Variants in SYNPO observed in about 807,000 individuals in gnomAD.
SYNPO encodes synaptopodin.
Under a neutral mutation model 49.5 loss-of-function variants are expected in SYNPO, and 19 were observed. That is an observed-to-expected ratio of 0.38 (90% CI 0.27 to 0.56). The LOEUF is 0.56. Among genes scored for constraint, SYNPO ranks in the 20% least tolerant of loss-of-function variants. SYNPO has a pLI of 0.68. For missense variants in SYNPO, 1,131 were observed against 1,248.3 expected (o/e 0.91, Z 1.42); for synonymous variants, 536 against 548.0 (o/e 0.98, Z 0.31).
intron 2 of SYNPO, among the ~76,000 whole-genome samples, chr5:150,620,899 C>CTTTTTCTTTCTTTCTTTATT (rs1014762340): frequency 9.2e-6 from 1 of 108,866 alleles, no homozygotes; most frequent in African/African-American, 3.4e-5. Context: ...TTCTTTTTTT[C>CTTTTTCTTTCTTTCTTTATT]TCTTTCTTTC....
In SYNPO at chr5:150,650,081, G is replaced by A. The variant is rs756417270; in HGVS notation, c.1806G>A (p.Leu602=). Residue 602 remains leucine, a synonymous_variant, in exon 2 of 3, where the codon CTG becomes CTA. Transcript: ENST00000307662. ...KPSSLDLVPN[L]PKGALPPSPA... is the part of the protein sequence containing the mutation. ...GCTCCTTGGACCTGGTGCCCAACCT[G>A]CCCAAGGGGGCTCTCCCTCCATCTC... The A allele has an allele frequency of 6.2e-7, 1 of 1,613,386 alleles. No individual in the cohort carries two copies. Among genetic ancestry groups the A allele is most frequent in the East Asian group, 2.2e-5 (1 of 44,884 alleles).
intron 2 of SYNPO, among the ~76,000 whole-genome samples, chr5:150,622,065 G>A (rs1193459278): frequency 1.3e-5 from 2 of 152,244 alleles, no homozygotes; most frequent in Non-Finnish European, 2.9e-5. Context: ...GTAAGTTGGT[G>A]GCAAAGCTAG....
At chr5:150,605,897 A>G (rs768766890) in intron 1 of SYNPO, among the ~76,000 whole-genome samples, 4 of 152,142 alleles carry the variant, frequency 2.6e-5, no homozygotes, top group Admixed American at 1.3e-4. Flanking sequence ...ATACATAGAC[A>G]CACACAGATG....
chr5:150,615,547 T>C (rs1756962789), intron 1 of SYNPO, among the ~76,000 whole-genome samples: 1 of 152,174 alleles, frequency 6.6e-6, no homozygotes, highest in African/African-American at 2.4e-5. Context: ...GGACGGATCC[T>C]CCAGCATCAT....
intron 1 of SYNPO, among the ~76,000 whole-genome samples, chr5:150,611,174 A>T (rs1287471473): frequency 6.6e-6 from 1 of 152,196 alleles, no homozygotes; most frequent in African/African-American, 2.4e-5. Context: ...ATCGTATTTA[A>T]CACCATCTGA....
At chr5:150,592,773 T>C in the SYNPO span, among the ~76,000 whole-genome samples, 1 of 152,226 alleles carries the variant, frequency 6.6e-6, no homozygotes, top group Non-Finnish European at 1.5e-5. Flanking sequence ...CTGTGGTTTG[T>C]GAGCTTGAGT....
At position 150,617,099 on chromosome 5, in the gene SYNPO, T is replaced by A. The variant is rs371872115; in HGVS notation, c.-265-1004T>A. Among the ~76,000 whole-genome samples the A allele has an allele frequency of 1.1e-4, 17 of 152,322 alleles. No homozygotes were observed. The East Asian group carries it at 3.3e-3, about 29-fold the overall frequency. On this transcript the variant is annotated intron_variant, in intron 1 of 2. Transcript: ENST00000394243. ...TTAAGGTATGGCTTAGAAACTGTGCTGAGTCCTCTGCGTGCATTTTTTCAT... is the reference window on the plus strand; with the variant it reads ...TTAAGGTATGGCTTAGAAACTGTGCAGAGTCCTCTGCGTGCATTTTTTCAT...
chr5:150,619,763 C>T (rs1335100588), intron 2 of SYNPO, among the ~76,000 whole-genome samples: 2 of 152,208 alleles, frequency 1.3e-5, no homozygotes, highest in Non-Finnish European at 1.5e-5. Context: ...GCGTCGTTGA[C>T]GCCCGGCTGG....
At chr5:150,586,166 TG>T in the SYNPO span, among the ~76,000 whole-genome samples, 1 of 152,274 alleles carries the variant, frequency 6.6e-6, no homozygotes, top group Admixed American at 6.5e-5. Context: ...GCAGACCTGG[TG>T]GGGCTGGAAA....
chr5:150,589,379 G>T, the SYNPO span, among the ~76,000 whole-genome samples: 6 of 152,076 alleles, frequency 3.9e-5, no homozygotes, highest in East Asian at 1.2e-3. Flanking sequence ...GATAATTTCT[G>T]AGCAGCACAT....
At chr5:150,618,681 G>T in exon 2 of SYNPO, 1 of 1,550,834 alleles carries the variant, frequency 6.4e-7, no homozygotes, top group Non-Finnish European at 8.7e-7. Flanking sequence ...GACAGGGCCA[G>T]CCAGGACTGG....
Position 150,648,207 on chromosome 5 carries a change from C to T in SYNPO, c.-69C>T, listed in dbSNP as rs766223815. 3 of 1,600,472 alleles carry T rather than the reference C, an allele frequency of 1.9e-6. No individual in the cohort carries two copies. Among genetic ancestry groups the T allele is most frequent in the African/African-American group, 2.7e-5 (2 of 74,672 alleles). ...GGGGCTCAGCCTGAGTTCCACCTCGCTGCCGGAGCCAGGCCCTCCACGGCA... is the reference window on the plus strand; with the variant it reads ...GGGGCTCAGCCTGAGTTCCACCTCGTTGCCGGAGCCAGGCCCTCCACGGCA... On this transcript the variant is annotated 5_prime_UTR_variant, in exon 2 of 3. Transcript: ENST00000307662. The surrounding 1 kb of genome is among the most constrained non-coding windows in gnomAD (Gnocchi z 5.0).
At chr5:150,639,659 T>C (rs1456339086), upstream of SYNPO, among the ~76,000 whole-genome samples, 2 of 152,222 alleles carry the variant, frequency 1.3e-5, no homozygotes, top group Non-Finnish European at 2.9e-5. Context: ...GGGAACCTCC[T>C]CTATGAGTTG....
At chr5:150,593,308 T>C in the SYNPO span, among the ~76,000 whole-genome samples, 1 of 152,168 alleles carries the variant, frequency 6.6e-6, no homozygotes, top group Non-Finnish European at 1.5e-5. Flanking sequence ...TCTGAGCTTT[T>C]GGATGCTGAG....
chr5:150,655,702 G>A (rs980071006), intron 2 of SYNPO, among the ~76,000 whole-genome samples: 4 of 152,216 alleles, frequency 2.6e-5, no homozygotes, highest in African/African-American at 9.7e-5. Flanking sequence ...GCCCAGGCTG[G>A]AGTGCGGTGG....
At chr5:150,599,237 C>T (rs1176531896), upstream of SYNPO, among the ~76,000 whole-genome samples, 2 of 152,258 alleles carry the variant, frequency 1.3e-5, no homozygotes, top group East Asian at 3.9e-4. Flanking sequence ...ACGACGATCT[C>T]TGCTTCACAG....
chr5:150,625,541 G>A (rs1035345649), intron 2 of SYNPO, among the ~76,000 whole-genome samples: 3 of 152,208 alleles, frequency 2.0e-5, no homozygotes, highest in South Asian at 2.1e-4. Flanking sequence ...GCGCCTACAG[G>A]GAGAGGGGAA....
intron 1 of SYNPO, chr5:150,615,069 TCA>T (rs1442973008): frequency 1.3e-5 from 2 of 152,134 alleles, no homozygotes; most frequent in African/African-American, 2.4e-5. Flanking sequence ...TAGCAGGTGC[TCA>T]GTTAGTGGCA....
At chr5:150,590,563 G>C in the SYNPO span, among the ~76,000 whole-genome samples, 1 of 152,338 alleles carries the variant, frequency 6.6e-6, no homozygotes, top group East Asian at 1.9e-4. Context: ...TCACGTCCTA[G>C]AAGTCTTTTG....
Sources: allele counts gnomAD v4.1 joint callset (sites outside exome capture counted in the v4.1 genomes callset), GRCh38; gene constraint gnomAD v4.1.1; non-coding constraint Gnocchi (gnomAD v3.1); transcripts MANE v1.5; gene names NCBI Gene and HGNC (gene_info 2026-07-23, HGNC 2026-07-21).